Variants in MYRIP observed in about 807,000 individuals in gnomAD.
The protein encoded by MYRIP is rab effector MyRIP.
A neutral mutation model predicts 98.0 loss-of-function variants in MYRIP; 49 were observed. The observed-to-expected ratio is 0.50, with a 90% CI of 0.40 to 0.63. The LOEUF is 0.63. Among genes scored for constraint, MYRIP ranks in the 30% least tolerant of loss-of-function variants. MYRIP has a pLI of 0.00. For synonymous variants in MYRIP, 404 were observed against 409.5 expected, an observed-to-expected ratio of 0.99 and a Z score of 0.16; for missense variants, 1,004 against 1,058.2, an observed-to-expected ratio of 0.95 and a Z score of 0.71.
At chr3:40,068,084 C>T (rs1948158528) in intron 3 of MYRIP, among the ~76,000 whole-genome samples, 1 of 152,164 alleles carries the variant, frequency 6.6e-6, no homozygotes, top group South Asian at 2.1e-4. Context: ...TATTTCGCAG[C>T]TATAGACAGT....
At chr3:40,027,748 A>T (rs943731228) in intron 2 of MYRIP, among the ~76,000 whole-genome samples, 2 of 152,076 alleles carry the variant, frequency 1.3e-5, no homozygotes, top group African/African-American at 4.8e-5. Flanking sequence ...AGCACCTGTA[A>T]TAATAGGTGC....
intron 3 of MYRIP, among the ~76,000 whole-genome samples, chr3:40,130,141 G>A (rs1195184459): frequency 6.6e-6 from 1 of 152,120 alleles, no homozygotes; most frequent in Non-Finnish European, 1.5e-5. Flanking sequence ...ACACTACTAG[G>A]ATTTCTGGAA....
At chr3:40,147,356 C>T (rs1950032061) in intron 3 of MYRIP, among the ~76,000 whole-genome samples, 2 of 152,196 alleles carry the variant, frequency 1.3e-5, no homozygotes, top group Admixed American at 1.3e-4. Flanking sequence ...CTACCCTCAT[C>T]ATTCCTCCTT....
intron 1 of MYRIP, among the ~76,000 whole-genome samples, chr3:39,831,067 C>T (rs1023688798): frequency 6.6e-6 from 1 of 152,154 alleles, no homozygotes; most frequent in African/African-American, 2.4e-5. Context: ...CTACTTGATG[C>T]ACTTTCTTCA....
At chr3:39,878,874 G>A (rs964334772) in intron 1 of MYRIP, among the ~76,000 whole-genome samples, 1 of 146,260 alleles carries the variant, frequency 6.8e-6, no homozygotes, top group African/African-American at 2.6e-5. Context: ...GGCCAACATG[G>A]TGAAACCTCG....
chr3:39,924,259 T>G (rs1470932200), intron 2 of MYRIP, among the ~76,000 whole-genome samples: 1 of 152,020 alleles, frequency 6.6e-6, no homozygotes, highest in Admixed American at 6.6e-5. Context: ...TATAACGATA[T>G]AGATAGGTTG....
chr3:40,098,740 T>TTG (rs3063561), intron 3 of MYRIP, among the ~76,000 whole-genome samples: 10,941 of 135,176 alleles, frequency 0.081, 425 homozygotes, highest in Middle Eastern at 0.11. Flanking sequence ...GTCTCTCTCA[T>TTG]TGTGTGTGTG....
At chr3:40,218,689 C>G (rs1288742260) in intron 11 of MYRIP, among the ~76,000 whole-genome samples, 1 of 142,330 alleles carries the variant, frequency 7.0e-6, no homozygotes, top group Non-Finnish European at 1.5e-5. Flanking sequence ...CCTGGAATAA[C>G]TTAACTACAA....
intron 11 of MYRIP, among the ~76,000 whole-genome samples, chr3:40,220,585 G>A (rs1952307426): frequency 6.6e-6 from 1 of 152,054 alleles, no homozygotes. Context: ...TATATAATGG[G>A]TGAAGAATTA....
chr3:40,024,494 C>T (rs868152377), intron 2 of MYRIP, among the ~76,000 whole-genome samples: 4 of 151,706 alleles, frequency 2.6e-5, no homozygotes, highest in Non-Finnish European at 5.9e-5. Flanking sequence ...ATATCTACTT[C>T]ACGTGTTTCC....
At chr3:39,822,534 C>T (rs775933403) in intron 1 of MYRIP, among the ~76,000 whole-genome samples, 1 of 152,068 alleles carries the variant, frequency 6.6e-6, no homozygotes, top group Non-Finnish European at 1.5e-5. Context: ...GACAATTCTT[C>T]TTCCAATATG....
intron 10 of MYRIP, among the ~76,000 whole-genome samples, chr3:40,202,349 T>G (rs1194199834): frequency 2.0e-5 from 3 of 152,078 alleles, no homozygotes; most frequent in African/African-American, 7.2e-5. Flanking sequence ...TTTCTCAGAC[T>G]GGGGTTGCTT....
intron 4 of MYRIP, among the ~76,000 whole-genome samples, chr3:40,152,406 C>T (rs1950141788): frequency 2.0e-5 from 3 of 152,124 alleles, no homozygotes; most frequent in Admixed American, 2.0e-4. Context: ...ACTTAATGCA[C>T]ATTGAGGAAT....
At chr3:40,149,699 A>G (rs986497188) in intron 3 of MYRIP, among the ~76,000 whole-genome samples, 2 of 152,128 alleles carry the variant, frequency 1.3e-5, no homozygotes, top group African/African-American at 4.8e-5. Flanking sequence ...TGAATCAACC[A>G]ACTCAAAATT....
chr3:40,033,512 A>G (rs1028512450), intron 2 of MYRIP, among the ~76,000 whole-genome samples: 10 of 152,222 alleles, frequency 6.6e-5, no homozygotes, highest in African/African-American at 2.4e-4. Context: ...CCAACTAACA[A>G]CGGACGTGAA....
intron 1 of MYRIP, among the ~76,000 whole-genome samples, chr3:39,856,095 G>A (rs1340275841): frequency 1.3e-5 from 2 of 152,116 alleles, no homozygotes; most frequent in Non-Finnish European, 2.9e-5. Context: ...TTCATGATTT[G>A]GATTTTCAGA....
intron 2 of MYRIP, among the ~76,000 whole-genome samples, chr3:39,912,202 C>T (rs1268022880): frequency 6.6e-6 from 1 of 152,116 alleles, no homozygotes; most frequent in Admixed American, 6.5e-5. Context: ...AGGACCCCTT[C>T]CCTGGCTAAT....
At chr3:39,862,880 A>C (rs1180339967) in intron 1 of MYRIP, among the ~76,000 whole-genome samples, 4 of 152,214 alleles carry the variant, frequency 2.6e-5, no homozygotes, top group African/African-American at 9.6e-5. Context: ...AAAATCAACC[A>C]CACAATTGGG....
intron 1 of MYRIP, among the ~76,000 whole-genome samples, chr3:39,889,063 AC>A (rs1216624926): frequency 1.3e-5 from 2 of 151,942 alleles, no homozygotes; most frequent in African/African-American, 4.8e-5. Context: ...AAATAGGAAC[AC>A]TTTTACACTG....
Sources: allele counts gnomAD v4.1 joint callset (sites outside exome capture counted in the v4.1 genomes callset), GRCh38; gene constraint gnomAD v4.1.1; transcripts MANE v1.5; gene names NCBI Gene and HGNC (gene_info 2026-07-23, HGNC 2026-07-21).